The following PRRC2B variants were observed in gnomAD, a reference collection of about 807,000 sequenced individuals.
PRRC2B encodes protein PRRC2B.
In PRRC2B, 68 loss-of-function variants were observed where a neutral mutation model predicts 242.3. That is an observed-to-expected ratio of 0.28 (90% confidence interval 0.23 to 0.34). The LOEUF is 0.34. Ranked by LOEUF, PRRC2B falls within the 10% of genes least tolerant of loss-of-function variation. The probability of loss-of-function intolerance (pLI) is 1.00; values close to 1 mark genes in which losing one functional copy is unlikely to be tolerated. For missense variants in PRRC2B, 2,835 were observed against 2,954.8 expected (o/e 0.96, Z 0.94); for synonymous variants, 1,228 against 1,173.6 (o/e 1.05, Z -0.95).
rs1378020601 is a variant in PRRC2B, at chr9:131,481,335, A to G, written c.4901-391A>G. ...CCAAAAAAAAAAAAAAAAAAAAAGAAAGATATATTTTTTAATGTAAAAAAA... is the reference window on the plus strand; with the variant it reads ...CCAAAAAAAAAAAAAAAAAAAAAGAGAGATATATTTTTTAATGTAAAAAAA... On this transcript the variant is annotated intron_variant, in intron 19 of 31. Transcript: ENST00000683519. Among the ~76,000 whole-genome samples the G allele has an allele frequency of 1.7e-3, 250 of 149,614 alleles. 1 individual carries two copies. Among genetic ancestry groups the G allele is most frequent in the African/African-American group, 6.1e-3 (248 of 40,896 alleles).
Position 131,459,149 on chromosome 9 carries a change from T to A in PRRC2B, c.1212-15T>A. ...CTGAGTGCAAAAACTTAACATCAAA[T>A]GTGGTTTGTCCTAGGAACAGTTGGG... On this transcript the variant is annotated splice_polypyrimidine_tract_variant and intron_variant, in intron 10 of 31. Transcript: ENST00000683519. The A allele has an allele frequency of 6.2e-7, 1 of 1,607,076 alleles. No homozygotes were observed. The highest frequency in any genetic ancestry group is 8.5e-7 in the Non-Finnish European group (1 of 1,174,468).
intron 9 of PRRC2B, among the ~76,000 whole-genome samples, chr9:131,450,851 G>T (rs11792939): frequency 0.029 from 4,475 of 152,212 alleles, 86 homozygotes; most frequent in Non-Finnish European, 0.045. Flanking sequence ...GCCTCCCAAA[G>T]TGCTGGGATT....
chr9:131,464,822 C>T lies in PRRC2B; in HGVS notation c.1464C>T (p.Pro488=), dbSNP rs1943345927. 3 of 1,613,090 alleles carry T rather than the reference C, an allele frequency of 1.9e-6. No individual in the cohort carries two copies. Among genetic ancestry groups the T allele is most frequent in the Non-Finnish European group, 2.5e-6 (3 of 1,179,408 alleles). Residue 488 remains proline (P), a synonymous_variant, in exon 12 of 32, where the codon CCC becomes CCT. Transcript: ENST00000683519. ...QQSIEDKEDK[P]PPRQKFIQSE... ...CCATCGAGGACAAGGAGGACAAGCCCCCACCAAGGCAGAAGTTCATTCAGT... is the reference window on the plus strand; with the variant it reads ...CCATCGAGGACAAGGAGGACAAGCCTCCACCAAGGCAGAAGTTCATTCAGT...
At chr9:131,463,628 CTTTT>C (rs374951504) in intron 11 of PRRC2B, among the ~76,000 whole-genome samples, 10 of 125,780 alleles carry the variant, frequency 8.0e-5, no homozygotes, top group African/African-American at 1.8e-4. Context: ...TTTAGGCATG[CTTTT>C]TTTTTTTTTT....
At position 131,470,908 on chromosome 9, in the gene PRRC2B, C is replaced by T; in HGVS notation, c.2032C>T (p.Pro678Ser). Reference protein sequence around the residue: ...LGFDPRWMMMPSYMDPRITPT... With the variant: ...LGFDPRWMMMSSYMDPRITPT... ...CTTCGATCCCAGGTGGATGATGATG[C>T]CTTCCTACATGGACCCACGTATCAC... Residue 678 changes from proline to serine, a missense_variant, in exon 14 of 32, where the codon CCT becomes TCT. Transcript: ENST00000683519. 1 of 1,611,120 alleles carries T rather than the reference C, an allele frequency of 6.2e-7. No homozygotes were observed. Among genetic ancestry groups the T allele is most frequent in the Non-Finnish European group, 8.5e-7 (1 of 1,178,426 alleles).
At chr9:131,473,403 T>A in intron 14 of PRRC2B, 105 bp from the exon 15 acceptor site, 1 of 799,062 alleles carries the variant, frequency 1.3e-6, no homozygotes, top group Non-Finnish European at 2.0e-6. Flanking sequence ...TGTATCCACA[T>A]GAAAGTCAGG....
chr9:131,473,041 A>T (rs1263666761), intron 14 of PRRC2B, among the ~76,000 whole-genome samples: 5 of 152,164 alleles, frequency 3.3e-5, no homozygotes. Context: ...TGTGAGTCTG[A>T]ATTCCTGGGA....
intron 3 of PRRC2B, among the ~76,000 whole-genome samples, chr9:131,436,392 A>G (rs1838373064): frequency 6.6e-6 from 1 of 152,224 alleles, no homozygotes; most frequent in Non-Finnish European, 1.5e-5. Context: ...AAAAAGTCAG[A>G]GGACTGTCTT....
intron 1 of PRRC2B, among the ~76,000 whole-genome samples, chr9:131,396,014 C>A (rs1837044672): frequency 6.6e-6 from 1 of 152,246 alleles, no homozygotes; most frequent in East Asian, 1.9e-4. Flanking sequence ...TCTCTTGGAG[C>A]CTGCGCAGCT....
At chr9:131,412,074 G>T (rs1349288638) in intron 1 of PRRC2B, among the ~76,000 whole-genome samples, 2 of 151,984 alleles carry the variant, frequency 1.3e-5, no homozygotes, top group African/African-American at 4.8e-5. Context: ...CTCAGAGTGT[G>T]GGGATTACAG....
intron 1 of PRRC2B, among the ~76,000 whole-genome samples, chr9:131,404,543 A>C (rs527508502): frequency 1.3e-4 from 20 of 152,296 alleles, no homozygotes; most frequent in African/African-American, 4.8e-4. Context: ...TTTTAAAAAG[A>C]AAATTCAAGT....
chr9:131,380,440 G>A (rs969749920), intron 1 of PRRC2B, among the ~76,000 whole-genome samples: 6 of 151,582 alleles, frequency 4.0e-5, no homozygotes, highest in Admixed American at 2.0e-4. Flanking sequence ...TTAGCCAGGC[G>A]TGGTGGTGCG....
Position 131,448,543 on chromosome 9 carries a change from C to CAAAAAAAAAAAAAAAAAAAAAAAAAAA in PRRC2B, c.1120+740_1120+766dup, listed in dbSNP as rs754661321. The stretch of plus-strand genomic sequence containing the variant: ...TGGGCGACAGAGGGAGACACTGTCT[C>CAAAAAAAAAAAAAAAAAAAAAAAAAAA]AAAAAAAAAAAAAAAAAAAAAAAAA... On this transcript the variant is annotated intron_variant, in intron 9 of 31. Transcript: ENST00000683519. Among the ~76,000 whole-genome samples, 133 of 39,892 alleles carry CAAAAAAAAAAAAAAAAAAAAAAAAAAA rather than the reference C, an allele frequency of 3.3e-3. 49 individuals are homozygous for CAAAAAAAAAAAAAAAAAAAAAAAAAAA. The highest frequency in any genetic ancestry group is 6.0e-3 in the East Asian group (10 of 1,678). 26.2% of individuals were successfully genotyped at this position (39,892 alleles called of 152,430 possible). A position where few individuals can be genotyped will look rare whatever the true frequency, so the allele number is the denominator to read the frequency against.
In PRRC2B at chr9:131,491,502, G is replaced by C; in HGVS notation, c.6303G>C (p.Gly2101=). 1 of 1,612,464 alleles carries C rather than the reference G, an allele frequency of 6.2e-7. No homozygotes were observed. The highest frequency in any genetic ancestry group is 8.5e-7 in the Non-Finnish European group (1 of 1,179,590). ...ILPQSIQLPP[G]QSLSVGAPRR... is the part of the protein sequence containing the mutation. Reference sequence around the variant, plus strand: ...CCCAGTCTATTCAGCTGCCACCTGGGCAGAGCCTCTCCGTTGGGGCCCCCC... The same window carrying C: ...CCCAGTCTATTCAGCTGCCACCTGGCCAGAGCCTCTCCGTTGGGGCCCCCC... The change falls in exon 29 of 32, where the codon GGG becomes GGC. Residue 2101 remains glycine, a synonymous_variant. Coordinates refer to ENST00000683519, the MANE Select transcript of PRRC2B (RefSeq NM_013318.4).
chr9:131,486,451 A>G, intron 26 of PRRC2B: 2 of 982,206 alleles, frequency 2.0e-6, no homozygotes, highest in African/African-American at 3.5e-5. Context: ...CCGGGGAATT[A>G]GCTAAAATGG....
Position 131,494,411 on chromosome 9 carries a change from C to G in PRRC2B, c.6480C>G (p.Ser2160Arg), listed in dbSNP as rs766759208. Residue 2160 changes from serine to arginine, a missense_variant, in exon 31 of 32, where the codon AGC (serine) becomes AGG (arginine). This residue lies in a region of PRRC2B where 574 missense variants were observed against 626.0 expected (regional missense o/e 0.92). Transcript: ENST00000683519. This position sits in a 1 kb window ranked among gnomAD's most constrained non-coding sequence, Gnocchi z 4.3. The part of the protein sequence containing the change: ...PVPSPQTYRP[S>R]SASPSGKPSG... ...CTGCCTTTGGTTTTTTCAGGCCTAG[C>G]TCTGCTAGCCCCAGTGGGAAGCCCT... 6.3e-7 allele frequency: 1 copy of G among 1,591,602 alleles called. No homozygotes were observed. Among genetic ancestry groups the G allele is most frequent in the Non-Finnish European group, 8.6e-7 (1 of 1,165,840 alleles).
At chr9:131,436,593 T>TGACCCCACTGCCC in intron 3 of PRRC2B, 27 bp from the exon 4 acceptor site, 1 of 1,594,270 alleles carries the variant, frequency 6.3e-7, no homozygotes, top group Non-Finnish European at 8.6e-7. Flanking sequence ...GTGCGGTGCC[T>TGACCCCACTGCCC]GACCCCACTG....
intron 9 of PRRC2B, among the ~76,000 whole-genome samples, chr9:131,452,400 A>T (rs1233086590): frequency 6.6e-6 from 1 of 152,208 alleles, no homozygotes; most frequent in Non-Finnish European, 1.5e-5. Flanking sequence ...TTGATTAGTT[A>T]TGAGACTGTG....
chr9:131,474,877 T>C lies in PRRC2B; in HGVS notation c.2748T>C (p.Pro916=). The C allele has an allele frequency of 1.2e-6, 2 of 1,602,274 alleles. No homozygotes were observed. Among genetic ancestry groups the C allele is most frequent in the Non-Finnish European group, 1.7e-6 (2 of 1,175,136 alleles). Residue 916 remains proline, a synonymous_variant, in exon 16 of 32, where the codon CCT becomes CCC. Coordinates refer to ENST00000683519, the MANE Select transcript of PRRC2B (RefSeq NM_013318.4). ...CCAACAAACAGCCATCCTCGGAGCC[T>C]GAATGGACTCCCGAGCCCCGGAGCT... is the stretch of plus-strand genomic sequence containing the variant. ...GSPNKQPSSE[P]EWTPEPRSSS...
Sources: allele counts gnomAD v4.1 joint callset (sites outside exome capture counted in the v4.1 genomes callset), GRCh38; gene constraint gnomAD v4.1.1; regional missense constraint gnomAD v4.1.1; non-coding constraint Gnocchi (gnomAD v3.1); transcripts MANE v1.5; gene names NCBI Gene and HGNC (gene_info 2026-07-23, HGNC 2026-07-21).